KCNH5: variants seen among roughly 807,000 people sequenced by gnomAD.
The protein encoded by KCNH5 is voltage-gated delayed rectifier potassium channel KCNH5.
In KCNH5, 46 loss-of-function variants were observed where a neutral mutation model predicts 96.1. The observed-to-expected ratio is 0.48, with a 90% CI of 0.38 to 0.61. KCNH5 has a LOEUF of 0.61. KCNH5 is among the 20% of genes least tolerant of loss of function. KCNH5 has a pLI of 0.00. For synonymous variants in KCNH5, 439 were observed against 449.8 expected (o/e 0.98, Z 0.30); for missense variants, 907 against 1,225.8 (o/e 0.74, Z 3.88).
At chr14:62,862,037 C>G (rs1888045653) in intron 7 of KCNH5, among the ~76,000 whole-genome samples, 1 of 152,066 alleles carries the variant, frequency 6.6e-6, no homozygotes, top group Admixed American at 6.6e-5. Context: ...ATTTAAATGA[C>G]CCAGGAATCT....
intron 7 of KCNH5, among the ~76,000 whole-genome samples, chr14:62,874,922 C>G (rs1231794828): frequency 3.4e-5 from 5 of 145,078 alleles, no homozygotes; most frequent in African/African-American, 7.6e-5. Context: ...CAGACGACAT[C>G]ATTGTATATC....
At chr14:62,878,678 T>C (rs554535485) in intron 7 of KCNH5, among the ~76,000 whole-genome samples, 188 of 152,326 alleles carry the variant, frequency 1.2e-3, no homozygotes, top group Non-Finnish European at 1.9e-3. Flanking sequence ...ACATTCATTT[T>C]CTAGAGCTGC....
At chr14:62,715,225 A>G (rs560323754) in intron 10 of KCNH5, among the ~76,000 whole-genome samples, 1 of 152,332 alleles carries the variant, frequency 6.6e-6, no homozygotes, top group Admixed American at 6.5e-5. Context: ...AAAGGTTAGA[A>G]TCATTTGTTT....
intron 6 of KCNH5, among the ~76,000 whole-genome samples, chr14:62,961,172 T>C (rs955075314): frequency 6.6e-6 from 1 of 152,154 alleles, no homozygotes; most frequent in African/African-American, 2.4e-5. Flanking sequence ...CAATAATTTC[T>C]TGCTGCCTTT....
At chr14:63,000,981 G>T (rs147851775) in intron 4 of KCNH5, among the ~76,000 whole-genome samples, 1 of 152,092 alleles carries the variant, frequency 6.6e-6, no homozygotes, top group Non-Finnish European at 1.5e-5. Context: ...AGGCTGAGGT[G>T]GGGGGACCAC....
At chr14:62,728,277 C>T (rs1280513178) in intron 10 of KCNH5, among the ~76,000 whole-genome samples, 1 of 150,122 alleles carries the variant, frequency 6.7e-6, no homozygotes, top group Non-Finnish European at 1.5e-5. Context: ...ATCCCAGCTA[C>T]TTGTGAGGCT....
intron 10 of KCNH5, among the ~76,000 whole-genome samples, chr14:62,737,531 CT>C (rs369635588): frequency 2.0e-5 from 3 of 152,254 alleles, no homozygotes; most frequent in African/African-American, 7.2e-5. Context: ...CAGCATTCTC[CT>C]GAGGATCACC....
At chr14:62,765,297 T>C (rs1045082800) in intron 10 of KCNH5, among the ~76,000 whole-genome samples, 1 of 152,162 alleles carries the variant, frequency 6.6e-6, no homozygotes, top group Non-Finnish European at 1.5e-5. Flanking sequence ...CCATAAATAG[T>C]GCTAAGATAA....
At chr14:62,877,040 T>C (rs571441651) in intron 7 of KCNH5, among the ~76,000 whole-genome samples, 3 of 152,324 alleles carry the variant, frequency 2.0e-5, no homozygotes, top group South Asian at 2.1e-4. Context: ...CAGATAGTTG[T>C]AGATATGTGG....
At chr14:62,856,160 C>G (rs1449656876) in intron 7 of KCNH5, among the ~76,000 whole-genome samples, 1 of 152,088 alleles carries the variant, frequency 6.6e-6, no homozygotes. Context: ...TTAACTGTAA[C>G]CTGGCCTTCA....
chr14:62,794,955 G>A (rs1214471453), intron 9 of KCNH5, among the ~76,000 whole-genome samples: 2 of 152,036 alleles, frequency 1.3e-5, no homozygotes, highest in African/African-American at 4.8e-5. Context: ...TCAACAAGCA[G>A]GTATAAGTTA....
intron 8 of KCNH5, among the ~76,000 whole-genome samples, chr14:62,810,585 T>C (rs990184499): frequency 1.3e-5 from 2 of 152,060 alleles, no homozygotes; most frequent in African/African-American, 4.8e-5. Context: ...ACCAAAACCA[T>C]GATGGCCACA....
At chr14:62,894,277 C>T (rs1253149006) in intron 7 of KCNH5, among the ~76,000 whole-genome samples, 1 of 152,134 alleles carries the variant, frequency 6.6e-6, no homozygotes, top group African/African-American at 2.4e-5. Context: ...TTTAAGACAT[C>T]ACATCACAAA....
At chr14:62,888,957 C>G (rs570939439) in intron 7 of KCNH5, among the ~76,000 whole-genome samples, 1 of 152,196 alleles carries the variant, frequency 6.6e-6, no homozygotes, top group Non-Finnish European at 1.5e-5. Context: ...TAATCTGGGA[C>G]AGGCAAAAGT....
At chr14:62,867,451 A>G (rs1458982768) in intron 7 of KCNH5, among the ~76,000 whole-genome samples, 1 of 152,118 alleles carries the variant, frequency 6.6e-6, no homozygotes, top group African/African-American at 2.4e-5. Context: ...AGTTTTTAAC[A>G]TTTGCTAATG....
chr14:62,920,535 C>T (rs1000365089), intron 7 of KCNH5, among the ~76,000 whole-genome samples: 6 of 152,020 alleles, frequency 3.9e-5, no homozygotes, highest in Non-Finnish European at 8.8e-5. Context: ...ACCTGCCTTA[C>T]ACCTCCCTGA....
Position 62,707,179 on chromosome 14 carries a change from T to C in KCNH5, c.*329A>G, listed in dbSNP as rs965823106. ...ACTCAGCCTGAGATCAAATTTGTCA[T>C]GGCAACATTGGCAGGTTGGACCCTG... is the stretch of plus-strand genomic sequence containing the variant. On this transcript the variant is annotated 3_prime_UTR_variant, in exon 11 of 11. Coordinates refer to ENST00000322893, the MANE Select transcript of KCNH5 (RefSeq NM_139318.5). The C allele has an allele frequency of 1.3e-5, 2 of 157,598 alleles. No homozygotes were observed. The highest frequency in any genetic ancestry group is 4.8e-5 in the African/African-American group (2 of 41,710). 9.8% of individuals were successfully genotyped at this position (157,598 alleles called of 1,614,324 possible).
At chr14:62,826,007 T>C (rs1029627099) in intron 8 of KCNH5, among the ~76,000 whole-genome samples, 3 of 152,142 alleles carry the variant, frequency 2.0e-5, no homozygotes, top group African/African-American at 7.2e-5. Flanking sequence ...AGAGTGCAAA[T>C]TTAGGTATCT....
At chr14:62,751,715 T>C (rs1391038059) in intron 10 of KCNH5, among the ~76,000 whole-genome samples, 2 of 152,248 alleles carry the variant, frequency 1.3e-5, no homozygotes, top group Non-Finnish European at 2.9e-5. Flanking sequence ...AGCTTAAGGA[T>C]AGAGCCAAGA....
Sources: gnomAD v4.1 joint callset for allele counts (sites outside exome capture counted in the v4.1 genomes callset) on GRCh38, gnomAD v4.1.1 for gene constraint, MANE v1.5 for transcripts, NCBI Gene and HGNC (gene_info 2026-07-23, HGNC 2026-07-21) for gene names.